The following ZEB1 variants were observed in gnomAD, a reference collection of about 807,000 sequenced individuals.
The protein encoded by ZEB1 is zinc finger E-box-binding homeobox 1.
A neutral mutation model predicts 84.9 loss-of-function variants in ZEB1; 21 were observed. That is an observed-to-expected ratio of 0.25 (90% CI 0.18 to 0.36). The LOEUF (loss-of-function observed/expected upper bound fraction) is 0.36. Among genes scored for constraint, ZEB1 ranks in the 10% least tolerant of loss-of-function variants. ZEB1 has a pLI of 1.00. For missense variants in ZEB1, 1,104 were observed against 1,330.2 expected, an observed-to-expected ratio of 0.83 and a Z score of 2.65; for synonymous variants, 420 against 471.1, an observed-to-expected ratio of 0.89 and a Z score of 1.41.
At chr10:31,449,765 T>G (rs1009804816) in intron 1 of ZEB1, among the ~76,000 whole-genome samples, 3 of 152,210 alleles carry the variant, frequency 2.0e-5, no homozygotes, top group Admixed American at 2.0e-4. Flanking sequence ...CTATTATTTT[T>G]CTGAATTTTC....
intron 2 of ZEB1, among the ~76,000 whole-genome samples, chr10:31,467,662 G>A (rs1287520195): frequency 1.3e-5 from 2 of 152,164 alleles, no homozygotes; most frequent in African/African-American, 4.8e-5. Context: ...GTCTCAGTTT[G>A]CCAGGACTCA....
At chr10:31,481,617 A>G (rs556281109) in intron 2 of ZEB1, among the ~76,000 whole-genome samples, 2 of 152,128 alleles carry the variant, frequency 1.3e-5, no homozygotes, top group East Asian at 3.9e-4. Flanking sequence ...TGAGACCAAG[A>G]GTTTGAGACC....
intron 2 of ZEB1, among the ~76,000 whole-genome samples, chr10:31,478,681 T>C (rs1437088656): frequency 6.6e-6 from 1 of 151,756 alleles, no homozygotes; most frequent in Non-Finnish European, 1.5e-5. Flanking sequence ...TAAAAACAAA[T>C]GAAATTATGT....
chr10:31,436,445 G>C (rs145828262), intron 1 of ZEB1, among the ~76,000 whole-genome samples: 26 of 151,584 alleles, frequency 1.7e-4, no homozygotes, highest in African/African-American at 4.6e-4. Flanking sequence ...CTACTCTTCT[G>C]CTGTCTTTGG....
intron 1 of ZEB1, among the ~76,000 whole-genome samples, chr10:31,426,767 A>G (rs1475711338): frequency 6.6e-6 from 1 of 152,064 alleles, no homozygotes; most frequent in African/African-American, 2.4e-5. Context: ...GTGAGCCTCT[A>G]CTCTAAAAAG....
chr10:31,500,342 C>T (rs1336860608), intron 3 of ZEB1, among the ~76,000 whole-genome samples: 1 of 152,054 alleles, frequency 6.6e-6, no homozygotes, highest in African/African-American at 2.4e-5. Flanking sequence ...ATGTTATTTG[C>T]TTTGCTCTTA....
chr10:31,457,009 C>T (rs2061316735), intron 1 of ZEB1, among the ~76,000 whole-genome samples: 1 of 152,158 alleles, frequency 6.6e-6, no homozygotes, highest in Admixed American at 6.6e-5. Flanking sequence ...ATGTTACCAT[C>T]TTCTATTGAA....
At chr10:31,348,850 A>T (rs537669041) in intron 1 of ZEB1, among the ~76,000 whole-genome samples, 1 of 152,326 alleles carries the variant, frequency 6.6e-6, no homozygotes, top group East Asian at 1.9e-4. Flanking sequence ...ATGGTGTACA[A>T]CTTTATTTTT....
At chr10:31,503,154 C>T (rs1183128129) in intron 4 of ZEB1, among the ~76,000 whole-genome samples, 1 of 151,980 alleles carries the variant, frequency 6.6e-6, no homozygotes, top group Non-Finnish European at 1.5e-5. Context: ...TTTCAAAAAG[C>T]CTCACTGAAA....
intron 1 of ZEB1, among the ~76,000 whole-genome samples, chr10:31,446,592 C>G (rs540881588): frequency 2.0e-5 from 3 of 151,746 alleles, no homozygotes; most frequent in Admixed American, 2.0e-4. Context: ...GAATGCGTCC[C>G]AGAGATTCTG....
intron 1 of ZEB1, among the ~76,000 whole-genome samples, chr10:31,419,367 ATCC>A (rs979927822): frequency 1.3e-5 from 2 of 152,174 alleles, no homozygotes; most frequent in African/African-American, 2.4e-5. Context: ...TTTCGATTTT[ATCC>A]TCAGTGTAAT....
chr10:31,411,489 G>C (rs1208367854), intron 1 of ZEB1, among the ~76,000 whole-genome samples: 1 of 151,834 alleles, frequency 6.6e-6, no homozygotes, highest in African/African-American at 2.4e-5. Context: ...AAAATTAGCC[G>C]GGCGCGGTGG....
At chr10:31,324,151 A>G (rs1231910180) in intron 1 of ZEB1, among the ~76,000 whole-genome samples, 1 of 152,010 alleles carries the variant, frequency 6.6e-6, no homozygotes, top group Non-Finnish European at 1.5e-5. Context: ...AGCAAAACTT[A>G]AAGTATCTTA....
intron 1 of ZEB1, among the ~76,000 whole-genome samples, chr10:31,390,852 T>G (rs923212208): frequency 6.6e-6 from 1 of 152,174 alleles, no homozygotes; most frequent in African/African-American, 2.4e-5. Context: ...GAGGAACATC[T>G]TTCCGTTTTC....
chr10:31,331,182 G>A (rs958801691), intron 1 of ZEB1, among the ~76,000 whole-genome samples: 1 of 146,162 alleles, frequency 6.8e-6, no homozygotes, highest in African/African-American at 2.6e-5. Context: ...CGCCTCCTGG[G>A]TTCAAGTGAT....
At chr10:31,444,157 T>A (rs2059439074) in intron 1 of ZEB1, among the ~76,000 whole-genome samples, 3 of 150,468 alleles carry the variant, frequency 2.0e-5, no homozygotes, top group Admixed American at 1.3e-4. Context: ...ATTTCTCTGA[T>A]GGCTAGTGAT....
chr10:31,385,189 G>A (rs747611028), intron 1 of ZEB1, among the ~76,000 whole-genome samples: 31 of 152,150 alleles, frequency 2.0e-4, no homozygotes, highest in Admixed American at 5.2e-4. Context: ...GTCCATTAAA[G>A]CATTATTTTA....
intron 1 of ZEB1, among the ~76,000 whole-genome samples, chr10:31,379,417 GTC>G (rs756434453): frequency 6.7e-6 from 1 of 150,196 alleles, no homozygotes; most frequent in East Asian, 1.9e-4. Flanking sequence ...CTCTTTTTCT[GTC>G]TCTGTCTGTC....
intron 1 of ZEB1, among the ~76,000 whole-genome samples, chr10:31,374,450 A>C (rs1443585088): frequency 6.6e-6 from 1 of 151,848 alleles, no homozygotes; most frequent in African/African-American, 2.4e-5. Context: ...TAGTCTGTCT[A>C]CTATGTGTCA....
Sources: allele counts gnomAD v4.1 joint callset (sites outside exome capture counted in the v4.1 genomes callset), GRCh38; gene constraint gnomAD v4.1.1; transcripts MANE v1.5; gene names NCBI Gene and HGNC (gene_info 2026-07-23, HGNC 2026-07-21).